The following MSRA variants were observed in gnomAD, a reference collection of about 807,000 sequenced individuals.
MSRA encodes the protein mitochondrial peptide methionine sulfoxide reductase.
MSRA carries 54 observed loss-of-function variants against 31.3 expected under a neutral mutation model. The ratio of observed to expected loss-of-function variants is 1.73; its 90% confidence interval spans 1.39 to 2.17. The LOEUF is 2.17. MSRA is among the 30% of genes most tolerant of loss of function. MSRA has a pLI of 0.00. For synonymous variants in MSRA, 169 were observed against 116.5 expected, an observed-to-expected ratio of 1.45 and a Z score of -2.90; for missense variants, 507 against 300.9, an observed-to-expected ratio of 1.69 and a Z score of -5.07.
chr8:10,320,847 G>T (rs1056096464), intron 5 of MSRA, among the ~76,000 whole-genome samples: 8 of 152,068 alleles, frequency 5.3e-5, no homozygotes, highest in Admixed American at 4.6e-4. Flanking sequence ...TTTTATGTGC[G>T]TGTGTTTCTT....
intron 1 of MSRA, among the ~76,000 whole-genome samples, chr8:10,126,075 G>C (rs935326608): frequency 1.3e-5 from 2 of 152,194 alleles, no homozygotes; most frequent in African/African-American, 4.8e-5. Flanking sequence ...TGGAAATCAT[G>C]CTACTTTCAT....
intron 2 of MSRA, among the ~76,000 whole-genome samples, chr8:10,241,580 G>T (rs760672078): frequency 2.0e-5 from 3 of 152,088 alleles, no homozygotes; most frequent in Non-Finnish European, 4.4e-5. Context: ...GTAGCTGAGG[G>T]GAAGCTTTTC....
chr8:10,398,733 T>C (rs1807257909), intron 5 of MSRA, among the ~76,000 whole-genome samples: 1 of 152,092 alleles, frequency 6.6e-6, no homozygotes, highest in Non-Finnish European at 1.5e-5. Context: ...AACTGGGAGG[T>C]TGGGGATTTG....
intron 3 of MSRA, among the ~76,000 whole-genome samples, chr8:10,292,307 G>C (rs990849429): frequency 6.6e-6 from 1 of 152,148 alleles, no homozygotes; most frequent in Admixed American, 6.5e-5. Context: ...GGCTCCTCCG[G>C]CCCATACGTC....
At chr8:10,283,868 C>CACACACACACACAT (rs1479551088) in intron 3 of MSRA, among the ~76,000 whole-genome samples, 1 of 132,030 alleles carries the variant, frequency 7.6e-6, no homozygotes. Flanking sequence ...CACACACACA[C>CACACACACACACAT]ATATATATTA....
chr8:10,355,121 CGG>C (rs1804431903), intron 5 of MSRA, among the ~76,000 whole-genome samples: 1 of 152,184 alleles, frequency 6.6e-6, no homozygotes, highest in Admixed American at 6.5e-5. Context: ...GTGTCAGGGC[CGG>C]GTTCCGTGCA....
intron 1 of MSRA, among the ~76,000 whole-genome samples, chr8:10,142,962 C>T (rs1274171766): frequency 6.6e-6 from 1 of 152,014 alleles, no homozygotes; most frequent in Non-Finnish European, 1.5e-5. Flanking sequence ...TTCCTTTTCC[C>T]AGTTCCCACC....
At chr8:10,322,190 A>T (rs763865554) in intron 5 of MSRA, among the ~76,000 whole-genome samples, 1 of 152,076 alleles carries the variant, frequency 6.6e-6, no homozygotes, top group Non-Finnish European at 1.5e-5. Context: ...ATTTGACTCA[A>T]GCAGACCTAT....
chr8:10,232,131 G>A (rs1056336547), intron 2 of MSRA, among the ~76,000 whole-genome samples: 1 of 152,128 alleles, frequency 6.6e-6, no homozygotes, highest in Non-Finnish European at 1.5e-5. Flanking sequence ...GGAAATTGTT[G>A]TGTACGTGGC....
intron 1 of MSRA, among the ~76,000 whole-genome samples, chr8:10,156,255 G>T (rs916495883): frequency 6.6e-6 from 1 of 152,192 alleles, no homozygotes; most frequent in Admixed American, 6.5e-5. Flanking sequence ...AGACAATCGG[G>T]GAAATGTGAG....
At chr8:10,151,248 C>G (rs1213426161) in intron 1 of MSRA, among the ~76,000 whole-genome samples, 10 of 118,498 alleles carry the variant, frequency 8.4e-5, no homozygotes, top group South Asian at 2.7e-4. Flanking sequence ...GGTGACAGAG[C>G]GAGAGTCTGT....
chr8:10,406,950 T>C (rs937559573), intron 5 of MSRA, among the ~76,000 whole-genome samples: 2 of 152,200 alleles, frequency 1.3e-5, no homozygotes, highest in African/African-American at 4.8e-5. Context: ...TCTTCTGGGC[T>C]CCCTGTGGCC....
At chr8:10,120,539 C>T (rs533674527) in intron 1 of MSRA, among the ~76,000 whole-genome samples, 4 of 152,306 alleles carry the variant, frequency 2.6e-5, no homozygotes, top group African/African-American at 9.6e-5. Flanking sequence ...TTTTATCCAG[C>T]GTTACCTCAC....
chr8:10,428,120 C>T, intron 5 of MSRA, 28 bp from the exon 6 acceptor site: 3 of 1,601,226 alleles, frequency 1.9e-6, no homozygotes, highest in Non-Finnish European at 1.7e-6. Flanking sequence ...AGCATGGGAG[C>T]TGATGGCGCC....
At chr8:10,405,299 C>A (rs554943516) in intron 5 of MSRA, among the ~76,000 whole-genome samples, 2 of 152,272 alleles carry the variant, frequency 1.3e-5, no homozygotes, top group South Asian at 4.2e-4. Context: ...CTCGGCCACC[C>A]ATCGCCCTGC....
intron 5 of MSRA, among the ~76,000 whole-genome samples, chr8:10,376,900 T>G (rs1805786928): frequency 6.6e-6 from 1 of 152,196 alleles, no homozygotes; most frequent in African/African-American, 2.4e-5. Flanking sequence ...TGCACTGAAG[T>G]CAGGCAACAA....
intron 1 of MSRA, among the ~76,000 whole-genome samples, chr8:10,143,581 C>T (rs149146141): frequency 2.6e-5 from 4 of 152,238 alleles, no homozygotes; most frequent in South Asian, 2.1e-4. Flanking sequence ...CATAAAACCC[C>T]GGGTCGCTCC....
At chr8:10,074,751 T>C (rs539011803) in intron 1 of MSRA, among the ~76,000 whole-genome samples, 1 of 152,202 alleles carries the variant, frequency 6.6e-6, no homozygotes, top group East Asian at 1.9e-4. Context: ...CTCTGCCTCC[T>C]GGGTTCAAGT....
Position 10,428,178 on chromosome 8 carries a change from A to G in MSRA, c.574A>G (p.Thr192Ala), listed in dbSNP as rs368632819. 3.1e-6 allele frequency: 5 copies of G among 1,613,854 alleles called. No individual in the cohort carries two copies. The highest frequency in any genetic ancestry group is 2.7e-5 in the African/African-American group (2 of 74,892). ...VLSEHGFGPITTDIREGQTFY... is the reference protein window; with the variant it reads ...VLSEHGFGPIATDIREGQTFY... ...TTCAGAGCACGGCTTCGGCCCCATCACTACCGACATCCGGGAGGGACAGAC... is the reference window on the plus strand; with the variant it reads ...TTCAGAGCACGGCTTCGGCCCCATCGCTACCGACATCCGGGAGGGACAGAC... The change falls in exon 6 of 6, where the codon ACT (threonine) becomes GCT (alanine). Residue 192 changes from threonine (T) to alanine (A), a missense_variant. By Grantham distance (58) the Thr-to-Ala change is moderately conservative. Coordinates refer to ENST00000317173, the MANE Select transcript of MSRA (RefSeq NM_012331.5).
Sources: allele counts gnomAD v4.1 joint callset (sites outside exome capture counted in the v4.1 genomes callset), GRCh38; gene constraint gnomAD v4.1.1; transcripts MANE v1.5; gene names NCBI Gene and HGNC (gene_info 2026-07-23, HGNC 2026-07-21).